The following HEY2 variants were observed in gnomAD, a reference collection of about 807,000 sequenced individuals.
HEY2 encodes the protein hairy/enhancer-of-split related with YRPW motif protein 2.
HEY2 carries 10 observed loss-of-function variants against 18.1 expected under a neutral mutation model. The ratio of observed to expected loss-of-function variants is 0.55; its 90% CI spans 0.34 to 0.94. The LOEUF is 0.94. Ranked by LOEUF, HEY2 falls within the 40% of genes least tolerant of loss-of-function variation. HEY2 has a pLI of 0.02. For synonymous variants in HEY2, 210 were observed against 182.7 expected (o/e 1.15, Z -1.21); for missense variants, 455 against 455.9 (o/e 1.00, Z 0.02).
chr6:125,759,100 C>A lies in HEY2; in HGVS notation c.329-17C>A. ...CATCTCTCTCCTGTTCCCTACTTTG[C>A]TCAAACCCACTTTTAGGCTACTTTG... On this transcript the variant is annotated splice_polypyrimidine_tract_variant and intron_variant, in intron 4 of 4. Transcript: ENST00000368364. 1 of 1,572,024 alleles carries A rather than the reference C, an allele frequency of 6.4e-7. No homozygotes were observed. The highest frequency in any genetic ancestry group is 1.3e-5 in the African/African-American group (1 of 74,112).
At chr6:125,751,540 T>A (rs1327593248) in intron 1 of HEY2, among the ~76,000 whole-genome samples, 1 of 152,232 alleles carries the variant, frequency 6.6e-6, no homozygotes, top group South Asian at 2.1e-4. Context: ...ATTATTTCAC[T>A]GGGAGACTTT....
chr6:125,751,152 T>TA (rs1296191591), intron 1 of HEY2, among the ~76,000 whole-genome samples: 3 of 152,224 alleles, frequency 2.0e-5, no homozygotes, highest in Non-Finnish European at 4.4e-5. Context: ...AAGTAAAACA[T>TA]TCACCTAGTA....
chr6:125,751,715 C>T, intron 1 of HEY2, 86 bp from the exon 2 acceptor site: 1 of 854,802 alleles, frequency 1.2e-6, no homozygotes, highest in Admixed American at 2.1e-5. Context: ...TGCAATCACT[C>T]TGAATATTTA....
chr6:125,753,111 C>A (rs890984060), intron 3 of HEY2, among the ~76,000 whole-genome samples: 2 of 152,030 alleles, frequency 1.3e-5, no homozygotes, highest in Non-Finnish European at 2.9e-5. Flanking sequence ...AAAAGCACAC[C>A]CAATCTATAT....
At chr6:125,755,007 G>A (rs1773628159) in intron 4 of HEY2, among the ~76,000 whole-genome samples, 1 of 152,084 alleles carries the variant, frequency 6.6e-6, no homozygotes, top group Non-Finnish European at 1.5e-5. Context: ...AAATAATTCA[G>A]CTATTCCAAA....
At chr6:125,749,998 A>C in intron 1 of HEY2, 139 bp downstream of exon 1, 1 of 797,724 alleles carries the variant, frequency 1.3e-6, no homozygotes, top group Non-Finnish European at 2.0e-6. Context: ...AGAAAGTTTG[A>C]GTGGTGGGCG....
Position 125,759,591 on chromosome 6 carries a change from C to T in HEY2, c.803C>T (p.Ala268Val). Residue 268 changes from alanine to valine, a missense_variant, in exon 5 of 5, where the codon GCC becomes GTC. Coordinates refer to ENST00000368364, the MANE Select transcript of HEY2 (RefSeq NM_012259.3). ...LSLSATVHAA[A>V]AAATAAAHSF... ...CTCTCTGCCACCGTCCACGCCGCAG[C>T]CGCAGCAGCCACCGCGGCTGCACAC... The T allele has an allele frequency of 6.2e-7, 1 of 1,610,544 alleles. No individual in the cohort carries two copies. Among genetic ancestry groups the T allele is most frequent in the Non-Finnish European group, 8.5e-7 (1 of 1,179,786 alleles).
chr6:125,754,404 A>G (rs1322683350), intron 3 of HEY2, 61 bp from the exon 4 acceptor site: 1 of 973,630 alleles, frequency 1.0e-6, no homozygotes, highest in East Asian at 2.7e-5. Context: ...TTCAGTGTAT[A>G]ATGTTTCAGA....
chr6:125,757,715 G>A (rs561196868), intron 4 of HEY2, among the ~76,000 whole-genome samples: 2 of 152,232 alleles, frequency 1.3e-5, no homozygotes, highest in South Asian at 2.1e-4. Flanking sequence ...TTGGGAAGCC[G>A]AGGCAGGAGA....
At chr6:125,751,065 A>T (rs1017211995) in intron 1 of HEY2, among the ~76,000 whole-genome samples, 3 of 152,250 alleles carry the variant, frequency 2.0e-5, no homozygotes, top group African/African-American at 7.2e-5. Flanking sequence ...TTTCATTAGT[A>T]AATCCAAGGT....
chr6:125,755,732 C>G (rs761933431), intron 4 of HEY2, among the ~76,000 whole-genome samples: 13 of 152,196 alleles, frequency 8.5e-5, no homozygotes, highest in Admixed American at 1.3e-4. Flanking sequence ...TCTCAAGGAA[C>G]CATCCTGAAT....
chr6:125,753,578 A>G (rs2128528614), intron 3 of HEY2, among the ~76,000 whole-genome samples: 1 of 152,314 alleles, frequency 6.6e-6, no homozygotes, highest in African/African-American at 2.4e-5. Context: ...AGAAAAAAAA[A>G]GAGAACATAT....
rs909116975 is a variant in HEY2 at position 125,749,825 on chromosome 6, A to C, written c.49A>C (p.Thr17Pro). 6.3e-7 allele frequency: 1 copy of C among 1,585,648 alleles called. No individual in the cohort carries two copies. Among genetic ancestry groups the C allele is most frequent in the African/African-American group, 1.3e-5 (1 of 74,088 alleles). Residue 17 changes from threonine to proline, a missense_variant, in exon 1 of 5, where the codon ACC becomes CCC. Coordinates refer to ENST00000368364, the MANE Select transcript of HEY2 (RefSeq NM_012259.3). Reference protein sequence around the residue: ...ETTSESDMDETIDVGSENNYS... With the variant: ...ETTSESDMDEPIDVGSENNYS... ...GACCTCCGAGAGCGACATGGACGAG[A>C]CCATCGACGTGGGGAGCGAGAACAA...
Position 125,759,414 on chromosome 6 carries a change from C to T in HEY2, c.626C>T (p.Pro209Leu), listed in dbSNP as rs535805818. ...GGCCTCCATGCCTCAGAGTCAACCC[C>T]TTGTCGCCTCTCCACAACTTCAGAA... is the stretch of plus-strand genomic sequence containing the variant. ...PNGLHASEST[P>L]CRLSTTSEVP... The change falls in exon 5 of 5, where the codon CCT becomes CTT. Residue 209 changes from proline to leucine, a missense_variant. Physicochemically the swap from Pro to Leu is moderately conservative, Grantham distance 98. Coordinates refer to ENST00000368364, the MANE Select transcript of HEY2 (RefSeq NM_012259.3). The T allele has an allele frequency of 6.8e-6, 11 of 1,611,510 alleles. No homozygotes were observed. Among genetic ancestry groups the T allele is most frequent in the African/African-American group, 6.7e-5 (5 of 75,056 alleles).
rs747615665 is a variant in HEY2, at chr6:125,749,833, C to T, written c.57C>T (p.Asp19=). The T allele has an allele frequency of 7.5e-5, 119 of 1,583,810 alleles. No homozygotes were observed. The highest frequency in any genetic ancestry group is 9.5e-5 in the Non-Finnish European group (111 of 1,165,630). Residue 19 remains aspartate, a synonymous_variant, in exon 1 of 5, where the codon GAC becomes GAT. Transcript: ENST00000368364. The part of the protein sequence containing the change: ...TSESDMDETI[D]VGSENNYSGQ... ...AGAGCGACATGGACGAGACCATCGACGTGGGGAGCGAGAACAATTACTCGG... is the reference window on the plus strand; with the variant it reads ...AGAGCGACATGGACGAGACCATCGATGTGGGGAGCGAGAACAATTACTCGG...
chr6:125,752,765 G>GT (rs1159063219), intron 3 of HEY2, among the ~76,000 whole-genome samples: 11 of 152,194 alleles, frequency 7.2e-5, no homozygotes, highest in Non-Finnish European at 5.9e-5. Flanking sequence ...ATCTTTTGTG[G>GT]TTTTAGAAGT....
At chr6:125,758,316 T>C (rs1773705817) in intron 4 of HEY2, among the ~76,000 whole-genome samples, 1 of 152,148 alleles carries the variant, frequency 6.6e-6, no homozygotes, top group African/African-American at 2.4e-5. Flanking sequence ...ACTGACAAAA[T>C]TAATATACAT....
Position 125,759,132 on chromosome 6 carries a change from A to C in HEY2, c.344A>C (p.His115Pro). ...ATGGKGYFDAHALAMDFMSIG... is the reference protein window; with the variant it reads ...ATGGKGYFDAPALAMDFMSIG... ...CCACTTTTAGGCTACTTTGACGCAC[A>C]CGCTCTTGCCATGGACTTCATGAGC... The change falls in exon 5 of 5, where the codon CAC (histidine) becomes CCC (proline). Residue 115 changes from histidine to proline, a missense_variant. Physicochemically the swap from His to Pro is moderately conservative, Grantham distance 77. Coordinates refer to ENST00000368364, the MANE Select transcript of HEY2 (RefSeq NM_012259.3). 6.2e-7 allele frequency: 1 copy of C among 1,603,368 alleles called. No homozygotes were observed. The highest frequency in any genetic ancestry group is 8.5e-7 in the Non-Finnish European group (1 of 1,174,074).
chr6:125,752,309 A>T (rs957255807), intron 3 of HEY2, among the ~76,000 whole-genome samples: 1 of 151,746 alleles, frequency 6.6e-6, no homozygotes, highest in Admixed American at 6.6e-5. Flanking sequence ...AAGTTGAAAA[A>T]CATTTCCATT....
Sources: gnomAD v4.1 joint callset for allele counts (sites outside exome capture counted in the v4.1 genomes callset) on GRCh38, gnomAD v4.1.1 for gene constraint, MANE v1.5 for transcripts, NCBI Gene and HGNC (gene_info 2026-07-23, HGNC 2026-07-21) for gene names.